GABRB2: variants seen among roughly 807,000 people sequenced by gnomAD.
GABRB2 encodes gamma-aminobutyric acid receptor subunit beta-2.
A neutral mutation model predicts 54.7 loss-of-function variants in GABRB2; 16 were observed. That is an observed-to-expected ratio of 0.29 (90% CI 0.20 to 0.44). The LOEUF is 0.44. GABRB2 is among the 20% of genes least tolerant of loss of function. GABRB2 has a pLI of 1.00. For synonymous variants in GABRB2, 244 were observed against 233.8 expected (o/e 1.04, Z -0.40); for missense variants, 355 against 644.0 (o/e 0.55, Z 4.86).
chr5:161,436,927 G>A (rs1232160159), intron 4 of GABRB2, among the ~76,000 whole-genome samples: 2 of 152,122 alleles, frequency 1.3e-5, no homozygotes, highest in African/African-American at 4.8e-5. Context: ...CTTGCCCACA[G>A]AGAAAGCATT....
chr5:161,524,385 A>G (rs957919747), intron 3 of GABRB2, among the ~76,000 whole-genome samples: 8 of 151,820 alleles, frequency 5.3e-5, no homozygotes, highest in South Asian at 2.1e-4. Context: ...ACGCAACTTG[A>G]TATCTATAGA....
chr5:161,408,369 T>G (rs1756406367), intron 5 of GABRB2, among the ~76,000 whole-genome samples: 1 of 152,130 alleles, frequency 6.6e-6, no homozygotes, highest in Non-Finnish European at 1.5e-5. Context: ...TCTATATATC[T>G]ATCTCTCTCA....
chr5:161,515,058 G>C (rs1759895956), intron 3 of GABRB2, among the ~76,000 whole-genome samples: 1 of 152,128 alleles, frequency 6.6e-6, no homozygotes, highest in African/African-American at 2.4e-5. Flanking sequence ...GTCAGTTAAT[G>C]TCAACTGCTA....
Position 161,344,127 on chromosome 5 carries a change from A to G in GABRB2, c.542-7358T>C, listed in dbSNP as rs556317790. 1.3e-3 allele frequency among the ~76,000 whole-genome samples: 195 copies of G among 152,258 alleles called. 1 individual carries two copies. Among genetic ancestry groups the G allele is most frequent in the Middle Eastern group, 3.4e-3 (1 of 294 alleles). ...CAAGGAAAATCTTGTATCTAGCCGT[A>G]TCCAAAGAAGAACAAAATTTTTTCT... On this transcript the variant is annotated intron_variant, in intron 5 of 9. Coordinates refer to ENST00000393959, the MANE Select transcript of GABRB2 (RefSeq NM_001371727.1).
intron 4 of GABRB2, among the ~76,000 whole-genome samples, chr5:161,455,218 C>T (rs13177201): frequency 0.023 from 3,409 of 150,914 alleles, 60 homozygotes; most frequent in Non-Finnish European, 0.034. Flanking sequence ...CATGCTTTTG[C>T]AGAAAGAAAA....
intron 5 of GABRB2, among the ~76,000 whole-genome samples, chr5:161,366,803 T>C (rs1033092905): frequency 6.6e-6 from 1 of 152,012 alleles, no homozygotes; most frequent in Non-Finnish European, 1.5e-5. Flanking sequence ...AAAAATTAAG[T>C]AGGCGTGGTG....
chr5:161,531,255 A>G (rs1422799974), intron 3 of GABRB2, among the ~76,000 whole-genome samples: 5 of 152,116 alleles, frequency 3.3e-5, no homozygotes, highest in Non-Finnish European at 7.4e-5. Flanking sequence ...ATAATTCACA[A>G]ATCATTTCAT....
rs974021905 is a variant in GABRB2 at position 161,459,683 on chromosome 5, C to T, written c.399G>A (p.Val133=). 1 of 1,614,162 alleles carries T rather than the reference C, an allele frequency of 6.2e-7. No individual in the cohort carries two copies. The highest frequency in any genetic ancestry group is 8.5e-7 in the Non-Finnish European group (1 of 1,180,022). ...GGCGAATCATGCGGTTCTTAACAGT[C>T]ACTCCGTGCACAAATGACTTCTTAT... ...LNDKKSFVHG[V]TVKNRMIRLH... is the part of the protein sequence containing the mutation. Residue 133 remains valine, a synonymous_variant, in exon 4 of 10, where the codon GTG becomes GTA. Transcript: ENST00000393959.
intron 5 of GABRB2, among the ~76,000 whole-genome samples, chr5:161,395,245 C>A (rs1408776420): frequency 1.3e-5 from 2 of 152,088 alleles, no homozygotes; most frequent in African/African-American, 4.8e-5. Flanking sequence ...CCTTACAAAA[C>A]ACAATAGTCC....
intron 3 of GABRB2, among the ~76,000 whole-genome samples, chr5:161,517,085 A>T (rs953517007): frequency 2.6e-5 from 4 of 152,150 alleles, no homozygotes; most frequent in African/African-American, 9.7e-5. Context: ...CTATGGTTTG[A>T]ATATAAGAAT....
intron 5 of GABRB2, among the ~76,000 whole-genome samples, chr5:161,391,514 A>G (rs1755818675): frequency 6.6e-6 from 1 of 152,156 alleles, no homozygotes; most frequent in African/African-American, 2.4e-5. Context: ...AATATTTCAC[A>G]GTGGAATAAG....
chr5:161,514,271 C>T (rs1272354191), intron 3 of GABRB2, among the ~76,000 whole-genome samples: 2 of 152,092 alleles, frequency 1.3e-5, no homozygotes, highest in Non-Finnish European at 2.9e-5. Flanking sequence ...TAAATAAAAC[C>T]TCCTTGAAAC....
At chr5:161,500,547 T>A (rs1365519763) in intron 3 of GABRB2, among the ~76,000 whole-genome samples, 1 of 152,202 alleles carries the variant, frequency 6.6e-6, no homozygotes, top group Non-Finnish European at 1.5e-5. Context: ...GTTGTCCTTG[T>A]TGTGTTTTCC....
chr5:161,509,750 A>T (rs945263158), intron 3 of GABRB2, among the ~76,000 whole-genome samples: 10 of 151,940 alleles, frequency 6.6e-5, no homozygotes, highest in African/African-American at 2.4e-4. Flanking sequence ...CAACCAGCAC[A>T]GCTTTATTGC....
chr5:161,436,767 C>T (rs774186594), intron 4 of GABRB2, among the ~76,000 whole-genome samples: 1 of 152,126 alleles, frequency 6.6e-6, no homozygotes, highest in Non-Finnish European at 1.5e-5. Flanking sequence ...GAATTGCTAG[C>T]GCCACCCCCT....
At chr5:161,471,018 C>T (rs1758423111) in intron 3 of GABRB2, among the ~76,000 whole-genome samples, 1 of 151,864 alleles carries the variant, frequency 6.6e-6, no homozygotes, top group East Asian at 1.9e-4. Context: ...CCTGAATCAC[C>T]CAAGAAATTT....
At chr5:161,349,487 G>A (rs527703239) in intron 5 of GABRB2, among the ~76,000 whole-genome samples, 58 of 152,226 alleles carry the variant, frequency 3.8e-4, no homozygotes, top group African/African-American at 1.3e-3. Flanking sequence ...CACAAATGGT[G>A]GAGCTTAATT....
chr5:161,330,048 T>C (rs1753784398), intron 8 of GABRB2: 1 of 152,218 alleles, frequency 6.6e-6, no homozygotes, highest in Non-Finnish European at 1.5e-5. Context: ...GTGTTGCCCA[T>C]GCTTTCTCCA....
chr5:161,311,594 C>T (rs1309791248), intron 9 of GABRB2, among the ~76,000 whole-genome samples: 1 of 152,206 alleles, frequency 6.6e-6, no homozygotes, highest in African/African-American at 2.4e-5. Flanking sequence ...GACTCAACTA[C>T]AGAATCCTCA....
Sources: allele counts gnomAD v4.1 joint callset (sites outside exome capture counted in the v4.1 genomes callset), GRCh38; gene constraint gnomAD v4.1.1; transcripts MANE v1.5; gene names NCBI Gene and HGNC (gene_info 2026-07-23, HGNC 2026-07-21).